Variants in GSDME observed in about 807,000 individuals in gnomAD.
The protein encoded by GSDME is gasdermin-E.
A neutral mutation model predicts 47.5 loss-of-function variants in GSDME; 44 were observed. The ratio of observed to expected loss-of-function variants is 0.93; its 90% confidence interval spans 0.73 to 1.19. The LOEUF is 1.19. Among genes scored for constraint, GSDME ranks in the 50% most tolerant of loss-of-function variants. The pLI, the probability that GSDME is intolerant of heterozygous loss-of-function variation, is 0.00. For synonymous variants in GSDME, 258 were observed against 252.8 expected (o/e 1.02, Z -0.20); for missense variants, 663 against 604.2 (o/e 1.10, Z -1.02).
At chr7:24,771,381 A>T in the GSDME span, among the ~76,000 whole-genome samples, 1 of 152,236 alleles carries the variant, frequency 6.6e-6, no homozygotes, top group Non-Finnish European at 1.5e-5. The surrounding 1 kb of genome is among the most constrained non-coding windows in gnomAD (Gnocchi z 4.1). Flanking sequence ...ACATTGTATT[A>T]CATTGTTTTA....
At chr7:24,749,832 T>A in intron 1 of GSDME, 39 bp from the exon 2 acceptor site, 2 of 1,411,396 alleles carry the variant, frequency 1.4e-6, no homozygotes, top group Non-Finnish European at 2.0e-6. Context: ...AATAAGAAGT[T>A]ACTATTTTGT....
the GSDME span, among the ~76,000 whole-genome samples, chr7:24,793,938 T>C: frequency 6.6e-6 from 1 of 152,222 alleles, no homozygotes; most frequent in Non-Finnish European, 1.5e-5. Context: ...GGTTACTGGG[T>C]TAAGGAATTT....
At chr7:24,759,355 T>C (rs1791129521), upstream of GSDME, among the ~76,000 whole-genome samples, 1 of 152,198 alleles carries the variant, frequency 6.6e-6, no homozygotes, top group Non-Finnish European at 1.5e-5. Context: ...TGGGTGAACT[T>C]TTTGATGCAA....
intron 1 of GSDME, among the ~76,000 whole-genome samples, chr7:24,755,906 G>A (rs560903813): frequency 6.6e-6 from 1 of 152,238 alleles, no homozygotes; most frequent in Non-Finnish European, 1.5e-5. Context: ...TTGTCTACTT[G>A]TCTCATTGTT....
chr7:24,721,953 C>T lies in GSDME; in HGVS notation c.405-2735G>A, dbSNP rs994204569. ...ATTTCACTGACTCATTGGTCACCTC[C>T]TCGGGGAAGCATTCCCTGCACCCCC... On this transcript the variant is annotated intron_variant, in intron 3 of 9. Transcript: ENST00000645220. This position sits in a 1 kb window ranked among gnomAD's most constrained non-coding sequence, Gnocchi z 4.1. Among the ~76,000 whole-genome samples the T allele has an allele frequency of 1.3e-5, 2 of 152,196 alleles. No homozygotes were observed. The highest frequency in any genetic ancestry group is 2.4e-5 in the African/African-American group (1 of 41,444).
chr7:24,709,482 G>C (rs1789259151), intron 6 of GSDME, among the ~76,000 whole-genome samples: 1 of 152,170 alleles, frequency 6.6e-6, no homozygotes, highest in Admixed American at 6.5e-5. Flanking sequence ...AAAGCATCCT[G>C]GTTTGGGACT....
the GSDME span, among the ~76,000 whole-genome samples, chr7:24,787,844 T>C: frequency 1.3e-5 from 2 of 152,056 alleles, no homozygotes; most frequent in Non-Finnish European, 2.9e-5. The surrounding 1 kb of genome is among the most constrained non-coding windows in gnomAD (Gnocchi z 5.0). Context: ...GTAGCTGGGA[T>C]TACAGGCACG....
rs1197307653 is a variant in GSDME, at chr7:24,754,067, T to A, written c.-20+3329A>T. On this transcript the variant is annotated intron_variant, in intron 1 of 9. Coordinates refer to ENST00000645220, the MANE Select transcript of GSDME (RefSeq NM_001127453.2). This position sits in a 1 kb window ranked among gnomAD's most constrained non-coding sequence, Gnocchi z 5.0. ...AGACTCTGGATTAACATTTTCACAA[T>A]GCTCCAATTTGGGAGAAGATGAAAA... 6.6e-6 allele frequency among the ~76,000 whole-genome samples: 1 copy of A among 152,226 alleles called. No homozygotes were observed. The highest frequency in any genetic ancestry group is 1.5e-5 in the Non-Finnish European group (1 of 68,044).
chr7:24,710,257 A>G lies in GSDME; in HGVS notation c.829T>C (p.Ser277Pro). The change falls in exon 6 of 10, where the codon TCC (serine) becomes CCC (proline). Residue 277 changes from serine to proline, a missense_variant. Physicochemically the swap from Ser to Pro is moderately conservative, Grantham distance 74 (BLOSUM62 -1). Transcript: ENST00000645220. ...AAAACACTTAATGGTCCATCCTGGGAAGATATCCCATGCGCAGCATCTGGC... is the reference window on the plus strand; with the variant it reads ...AAAACACTTAATGGTCCATCCTGGGGAGATATCCCATGCGCAGCATCTGGC... ...DMPDAAHGIS[S>P]QDGPLSVLKQ... The G allele has an allele frequency of 2.5e-6, 4 of 1,614,172 alleles. No homozygotes were observed. Among genetic ancestry groups the G allele is most frequent in the Non-Finnish European group, 3.4e-6 (4 of 1,180,046 alleles).
intron 9 of GSDME, among the ~76,000 whole-genome samples, chr7:24,700,816 G>A (rs768283990): frequency 1.6e-4 from 25 of 152,168 alleles, no homozygotes; most frequent in Admixed American, 2.6e-4. Flanking sequence ...CCCCACTGGC[G>A]CAGGCTGGAG....
intron 7 of GSDME, chr7:24,707,364 T>A: frequency 2.1e-6 from 1 of 471,438 alleles, no homozygotes; most frequent in Non-Finnish European, 4.4e-6. Flanking sequence ...GCAGCTTGTG[T>A]GGCTCTCACC....
chr7:24,708,085 A>G, intron 7 of GSDME, 42 bp downstream of exon 7: 2 of 1,611,536 alleles, frequency 1.2e-6, no homozygotes, highest in Non-Finnish European at 1.7e-6. Flanking sequence ...TGTTCCAGAA[A>G]ACCCCAGTGA....
At chr7:24,757,675 G>GCCACT (rs1791088841), upstream of GSDME, 1 of 152,316 alleles carries the variant, frequency 6.6e-6, no homozygotes, top group African/African-American at 2.4e-5. The surrounding 1 kb of genome is among the most constrained non-coding windows in gnomAD (Gnocchi z 5.9). Flanking sequence ...CCAGCGCTCA[G>GCCACT]CCGGAGTCCC....
In GSDME at chr7:24,739,253, A is replaced by G. The variant is rs1488978914; in HGVS notation, c.404+5309T>C. ...GTGACAAGAGATTAATAACCAGAAT[A>G]TAAAAGGGGCTCAAACAACTGTAGG... On this transcript the variant is annotated intron_variant, in intron 3 of 9. Transcript: ENST00000645220. This position sits in a 1 kb window ranked among gnomAD's most constrained non-coding sequence, Gnocchi z 5.1. 6.6e-6 allele frequency among the ~76,000 whole-genome samples: 1 copy of G among 152,232 alleles called. No homozygotes were observed. Among genetic ancestry groups the G allele is most frequent in the Non-Finnish European group, 1.5e-5 (1 of 68,030 alleles).
At chr7:24,775,856 C>CA in the GSDME span, among the ~76,000 whole-genome samples, 1 of 112,528 alleles carries the variant, frequency 8.9e-6, no homozygotes, top group African/African-American at 3.7e-5. Context: ...GCCTGGGTGA[C>CA]AGAGTGAGAT....
chr7:24,722,249 A>G (rs1003393035), intron 3 of GSDME, among the ~76,000 whole-genome samples: 1 of 152,244 alleles, frequency 6.6e-6, no homozygotes, highest in Non-Finnish European at 1.5e-5. Flanking sequence ...GAATGTGTAC[A>G]TATGTATTTG....
the GSDME span, among the ~76,000 whole-genome samples, chr7:24,764,371 G>A: frequency 6.6e-6 from 1 of 152,118 alleles, no homozygotes; most frequent in Non-Finnish European, 1.5e-5. The surrounding 1 kb of genome is among the most constrained non-coding windows in gnomAD (Gnocchi z 4.4). Flanking sequence ...GGTAGAAATG[G>A]AATTTTTTTC....
chr7:24,730,851 C>T (rs891743700), intron 3 of GSDME, among the ~76,000 whole-genome samples: 14 of 152,038 alleles, frequency 9.2e-5, no homozygotes, highest in South Asian at 2.1e-4. Context: ...TGAAACTCAT[C>T]AGACAAGGTG....
At chr7:24,738,416 A>T (rs1322393809) in intron 3 of GSDME, among the ~76,000 whole-genome samples, 4 of 152,168 alleles carry the variant, frequency 2.6e-5, no homozygotes, top group Non-Finnish European at 5.9e-5. Context: ...CTAACCAAAG[A>T]AGTGAAAAAT....
Sources: gnomAD v4.1 joint callset for allele counts (sites outside exome capture counted in the v4.1 genomes callset) on GRCh38, gnomAD v4.1.1 for gene constraint, Gnocchi (gnomAD v3.1) non-coding constraint, MANE v1.5 for transcripts, NCBI Gene and HGNC (gene_info 2026-07-23, HGNC 2026-07-21) for gene names.